HNRNPM: variants seen among roughly 807,000 people sequenced by gnomAD.
The protein encoded by HNRNPM is heterogeneous nuclear ribonucleoprotein M.
A neutral mutation model predicts 73.1 loss-of-function variants in HNRNPM; 11 were observed. The observed-to-expected ratio is 0.15, with a 90% CI of 0.09 to 0.25. HNRNPM has a LOEUF of 0.25. Among genes scored for constraint, HNRNPM ranks in the 10% least tolerant of loss-of-function variants. HNRNPM has a pLI of 1.00. For synonymous variants in HNRNPM, 407 were observed against 355.2 expected (o/e 1.15, Z -1.64); for missense variants, 789 against 1,067.9 (o/e 0.74, Z 3.64).
At position 8,481,967 on chromosome 19, in the gene HNRNPM, CTTTT is replaced by C. The variant is rs35179733; in HGVS notation, c.1121-1173_1121-1170del. On this transcript the variant is annotated intron_variant, in intron 12 of 15. Transcript: ENST00000325495. ...TTTTGTTGTTGTTGTTGTTTGGTGTCTTTTTTTTTTTTTTTTTTTTTCTTAGAGA... is the reference window on the plus strand; with the variant it reads ...TTTTGTTGTTGTTGTTGTTTGGTGTCTTTTTTTTTTTTTTTTTCTTAGAGA... Among the ~76,000 whole-genome samples, 147 of 117,310 alleles carry C rather than the reference CTTTT, an allele frequency of 1.3e-3. 1 individual carries two copies. The South Asian group carries it at 0.014, about 12-fold the overall frequency. 77.0% of individuals were successfully genotyped at this position (117,310 alleles called of 152,430 possible).
chr19:8,467,667 T>G lies in HNRNPM; in HGVS notation c.834+83T>G. 4.0e-6 allele frequency: 4 copies of G among 991,802 alleles called. 1 individual carries two copies. The highest frequency in any genetic ancestry group is 1.3e-5 in the South Asian group (1 of 76,802). 61.4% of individuals were successfully genotyped at this position (991,802 alleles called of 1,614,324 possible). A position where few individuals can be genotyped will look rare whatever the true frequency, so the allele number is the denominator to read the frequency against. The stretch of plus-strand genomic sequence containing the variant: ...AATAAGAGTGTACATATAGCCACTA[T>G]GAAATATTTGTGGATTAGTCTAAGT... On this transcript the variant is annotated intron_variant, in intron 8 of 15. Transcript: ENST00000325495.
In HNRNPM at chr19:8,460,747, T is replaced by A. The variant is rs550987859; in HGVS notation, c.284-1782T>A. On this transcript the variant is annotated intron_variant, in intron 2 of 15. Transcript: ENST00000325495. ...GCAACATGGTTGCAGCTGTTTTGAA[T>A]TAATTATTGTGAGTCTTTTATTTTT... is the stretch of plus-strand genomic sequence containing the variant. 3.9e-5 allele frequency among the ~76,000 whole-genome samples: 6 copies of A among 152,316 alleles called. No homozygotes were observed. The East Asian group carries it at 9.6e-4, about 24-fold the overall frequency.
chr19:8,471,565 C>T (rs531599650), intron 10 of HNRNPM, 138 bp downstream of exon 10: 5 of 451,696 alleles, frequency 1.1e-5, no homozygotes, highest in East Asian at 3.6e-5. Flanking sequence ...ATCTCTGCCT[C>T]ATTTTGAATA....
rs147971411 is a variant in HNRNPM at position 8,459,754 on chromosome 19, G to A, written c.284-2775G>A. 1.1e-3 allele frequency among the ~76,000 whole-genome samples: 163 copies of A among 152,182 alleles called. 3 individuals carry two copies. Among genetic ancestry groups the A allele is most frequent in the East Asian group, 9.1e-3 (47 of 5,180 alleles). ...GAGGTCACAGTAGCTCCCAGGGACC[G>A]CCTGAGTTCTTTTTGGGTTGCTCAT... On this transcript the variant is annotated intron_variant, in intron 2 of 15. Transcript: ENST00000325495.
chr19:8,486,693 C>T (rs944615088), intron 14 of HNRNPM, among the ~76,000 whole-genome samples: 2 of 152,156 alleles, frequency 1.3e-5, no homozygotes, highest in Non-Finnish European at 2.9e-5. Flanking sequence ...CACGATGGTC[C>T]AGGGAAAGAA....
At chr19:8,488,600 T>C (rs1971487962) in intron 15 of HNRNPM, 91 bp from the exon 16 acceptor site, 11 of 1,178,832 alleles carry the variant, frequency 9.3e-6, no homozygotes, top group Non-Finnish European at 1.3e-5. Flanking sequence ...CTTTGTGCTC[T>C]AGGCTTCAGG....
At chr19:8,485,065 G>A (rs73499666) in intron 13 of HNRNPM, among the ~76,000 whole-genome samples, 2,556 of 152,024 alleles carry the variant, frequency 0.017, 43 homozygotes, top group African/African-American at 0.036. Flanking sequence ...TGGTGTGGCC[G>A]AAAATCCTTT....
intron 15 of HNRNPM, 194 bp downstream of exon 15, chr19:8,487,269 T>C (rs1971380491): frequency 8.0e-6 from 5 of 627,830 alleles, no homozygotes; most frequent in Non-Finnish European, 5.8e-6. Flanking sequence ...AGCTGTGTTC[T>C]CATTTCATCC....
At chr19:8,474,017 C>A in intron 11 of HNRNPM, 150 bp from the exon 12 acceptor site, 1 of 605,894 alleles carries the variant, frequency 1.7e-6, no homozygotes, top group Non-Finnish European at 2.9e-6. Context: ...AACAAGGGTG[C>A]TAGCATTTTT....
intron 12 of HNRNPM, among the ~76,000 whole-genome samples, chr19:8,478,519 C>T (rs1970671390): frequency 6.6e-6 from 1 of 152,146 alleles, no homozygotes; most frequent in South Asian, 2.1e-4. Flanking sequence ...GCCTCAGTGG[C>T]TGGGGTCCGC....
At position 8,486,058 on chromosome 19, in the gene HNRNPM, A is replaced by C. The variant is rs1237416741; in HGVS notation, c.1630A>C (p.Met544Leu). The C allele has an allele frequency of 1.2e-6, 2 of 1,605,814 alleles. No individual in the cohort carries two copies. Among genetic ancestry groups the C allele is most frequent in the South Asian group, 1.1e-5 (1 of 91,046 alleles). ...PAGMGAGLERMGPVMDRMATG... is the reference protein window; with the variant it reads ...PAGMGAGLERLGPVMDRMATG... The stretch of plus-strand genomic sequence containing the variant: ...AGGTATGGGAGCTGGCCTGGAGCGC[A>C]TGGGCCCCGTGATGGATCGCATGGC... Residue 544 changes from methionine (M) to leucine (L), a missense_variant, in exon 14 of 16, where the codon ATG (methionine) becomes CTG (leucine). Physicochemically the swap from Met to Leu is conservative, Grantham distance 15. Transcript: ENST00000325495.
chr19:8,467,618 C>G, intron 8 of HNRNPM, 34 bp downstream of exon 8: 1 of 1,443,976 alleles, frequency 6.9e-7, no homozygotes, highest in Non-Finnish European at 9.8e-7. Flanking sequence ...GTGATATACT[C>G]AAGTCTAGCA....
intron 9 of HNRNPM, among the ~76,000 whole-genome samples, chr19:8,469,517 A>G (rs931688415): frequency 2.8e-4 from 42 of 152,350 alleles, no homozygotes; most frequent in Non-Finnish European, 1.6e-4. Context: ...ATTTGTATGC[A>G]GAGGGGAAAG....
chr19:8,450,685 A>G (rs1370304535), intron 1 of HNRNPM, among the ~76,000 whole-genome samples: 1 of 150,664 alleles, frequency 6.6e-6, no homozygotes, highest in Non-Finnish European at 1.5e-5. Flanking sequence ...TACAGGCATT[A>G]ATCGTATTTT....
In HNRNPM at chr19:8,468,946, T is replaced by C. The variant is rs537812452; in HGVS notation, c.895+112T>C. 6.1e-4 allele frequency: 494 copies of C among 808,450 alleles called. 1 individual carries two copies. In the African/African-American group the frequency reaches 7.4e-3, roughly 12 times the overall value. 50.1% of individuals were successfully genotyped at this position (808,450 alleles called of 1,614,324 possible). ...GTGCCAGGTTAGCCCTCAGTTCTCTTGGCCAGTTCTTTTCTATAGATTTTT... is the reference window on the plus strand; with the variant it reads ...GTGCCAGGTTAGCCCTCAGTTCTCTCGGCCAGTTCTTTTCTATAGATTTTT... On this transcript the variant is annotated intron_variant, in intron 9 of 15. Coordinates refer to ENST00000325495, the MANE Select transcript of HNRNPM (RefSeq NM_005968.5).
chr19:8,452,260 T>C (rs1968682648), intron 1 of HNRNPM, among the ~76,000 whole-genome samples: 1 of 152,254 alleles, frequency 6.6e-6, no homozygotes. Flanking sequence ...GGTGAAAGAC[T>C]GGAAATAATT....
intron 1 of HNRNPM, among the ~76,000 whole-genome samples, chr19:8,447,550 G>C (rs1968289599): frequency 6.6e-6 from 1 of 152,080 alleles, no homozygotes; most frequent in African/African-American, 2.4e-5. Context: ...GCAGGGAAGA[G>C]AGTATCCAAA....
chr19:8,462,995 T>C lies in HNRNPM; in HGVS notation c.336+414T>C, dbSNP rs774313911. Among the ~76,000 whole-genome samples the C allele has an allele frequency of 6.6e-6, 1 of 152,052 alleles. No individual in the cohort carries two copies. The highest frequency in any genetic ancestry group is 1.5e-5 in the Non-Finnish European group (1 of 67,882). On this transcript the variant is annotated intron_variant, in intron 3 of 15. Transcript: ENST00000325495. The surrounding 1 kb of genome is among the most constrained non-coding windows in gnomAD (Gnocchi z 4.5). ...GTGTGAACCAAAGATTCCGAAAAGTTGCCTTTGTGCCAGTAAATTGTAAAC... is the reference window on the plus strand; with the variant it reads ...GTGTGAACCAAAGATTCCGAAAAGTCGCCTTTGTGCCAGTAAATTGTAAAC...
chr19:8,467,832 C>T (rs1969860635), intron 8 of HNRNPM, among the ~76,000 whole-genome samples: 1 of 152,108 alleles, frequency 6.6e-6, no homozygotes. Flanking sequence ...CGACACCAGC[C>T]TGACCAACGT....
Sources: allele counts gnomAD v4.1 joint callset (sites outside exome capture counted in the v4.1 genomes callset), GRCh38; gene constraint gnomAD v4.1.1; non-coding constraint Gnocchi (gnomAD v3.1); transcripts MANE v1.5; gene names NCBI Gene and HGNC (gene_info 2026-07-23, HGNC 2026-07-21).